Variants in DOCK4 observed in about 807,000 individuals in gnomAD.
The protein encoded by DOCK4 is dedicator of cytokinesis 4, also known as dedicator of cytokinesis protein 4.
In DOCK4, 97 loss-of-function variants were observed where a neutral mutation model predicts 268.1. The observed-to-expected ratio is 0.36, with a 90% CI of 0.31 to 0.43. The LOEUF (loss-of-function observed/expected upper bound fraction) is 0.43. DOCK4 is among the 20% of genes least tolerant of loss of function. The pLI is 1.00. For missense variants in DOCK4, 2,145 were observed against 2,455.7 expected (o/e 0.87, Z 2.67); for synonymous variants, 954 against 887.2 (o/e 1.08, Z -1.34).
intron 1 of DOCK4, among the ~76,000 whole-genome samples, chr7:112,013,087 C>T (rs946606015): frequency 4.6e-5 from 7 of 152,216 alleles, no homozygotes; most frequent in African/African-American, 1.7e-4. Context: ...GCAGCCTCTT[C>T]TATAACGTTC....
chr7:112,034,845 T>C (rs944017926), intron 1 of DOCK4, among the ~76,000 whole-genome samples: 3 of 152,062 alleles, frequency 2.0e-5, no homozygotes, highest in Non-Finnish European at 4.4e-5. Context: ...GAGGTTGCAG[T>C]GGGCCAAGAT....
intron 1 of DOCK4, among the ~76,000 whole-genome samples, chr7:112,040,297 C>A (rs1007055424): frequency 6.6e-6 from 1 of 152,178 alleles, no homozygotes; most frequent in Non-Finnish European, 1.5e-5. Context: ...AATTCTACCA[C>A]ATGTAGACAC....
chr7:111,864,952 C>T (rs1000361156), intron 22 of DOCK4, among the ~76,000 whole-genome samples: 4 of 152,100 alleles, frequency 2.6e-5, no homozygotes, highest in African/African-American at 9.7e-5. Context: ...GTGTAAGATA[C>T]ACATATAATA....
At chr7:112,158,070 A>T (rs530912066) in intron 1 of DOCK4, among the ~76,000 whole-genome samples, 1 of 152,342 alleles carries the variant, frequency 6.6e-6, no homozygotes, top group East Asian at 1.9e-4. Flanking sequence ...AGTTATCTCC[A>T]TGGAAGCCCA....
chr7:111,935,408 T>G (rs1195366524), intron 12 of DOCK4, 132 bp downstream of exon 12: 1 of 762,932 alleles, frequency 1.3e-6, no homozygotes, highest in Non-Finnish European at 2.3e-6. Flanking sequence ...GAATGTTCAT[T>G]GAGCATTTTT....
intron 49 of DOCK4, 30 bp from the exon 50 acceptor site, chr7:111,737,019 A>T: frequency 6.3e-7 from 1 of 1,578,528 alleles, no homozygotes; most frequent in African/African-American, 1.3e-5. Flanking sequence ...GATTTTTATG[A>T]TGTGATATAC....
chr7:111,841,783 C>A (rs1324766328), intron 25 of DOCK4, among the ~76,000 whole-genome samples: 1 of 152,114 alleles, frequency 6.6e-6, no homozygotes, highest in Non-Finnish European at 1.5e-5. Context: ...CCCACCTCCA[C>A]CCACAGACCT....
chr7:111,944,043 G>A (rs1376772544), intron 10 of DOCK4, among the ~76,000 whole-genome samples: 2 of 152,162 alleles, frequency 1.3e-5, no homozygotes, highest in Non-Finnish European at 2.9e-5. Flanking sequence ...GAAAAACTGT[G>A]TAGGTTACAC....
chr7:112,053,043 AT>A (rs1805503331), intron 1 of DOCK4, among the ~76,000 whole-genome samples: 1 of 152,204 alleles, frequency 6.6e-6, no homozygotes, highest in African/African-American at 2.4e-5. Context: ...GTGTTTATTC[AT>A]TCCAATCATT....
At chr7:112,157,328 C>T (rs551437485) in intron 1 of DOCK4, among the ~76,000 whole-genome samples, 2 of 152,174 alleles carry the variant, frequency 1.3e-5, no homozygotes, top group Admixed American at 6.6e-5. Flanking sequence ...CCATGGGAGA[C>T]GTCATTTTCC....
chr7:112,192,105 T>C (rs749469416), intron 1 of DOCK4, among the ~76,000 whole-genome samples: 3 of 150,898 alleles, frequency 2.0e-5, no homozygotes, highest in African/African-American at 4.9e-5. Flanking sequence ...TATATAATTA[T>C]ATACTATAGT....
rs566419729 is a variant in DOCK4 at position 111,767,090 on chromosome 7, C to T, written c.3857G>A (p.Arg1286Gln). Residue 1286 changes from arginine to glutamine, a missense_variant, in exon 38 of 53, where the codon CGG (arginine) becomes CAG (glutamine). Coordinates refer to ENST00000428084, the MANE Select transcript of DOCK4 (RefSeq NM_001363540.2). ...ACTCTCATACTGCTCTGCAATCTTC[C>T]GGCACAAGATAATGCCATTCTCCCA... ...KCWENGIILC[R>Q]KIAEQYESYY... 65 of 1,613,662 alleles carry T rather than the reference C, an allele frequency of 4.0e-5. 2 individuals carry two copies. Among genetic ancestry groups the T allele is most frequent in the South Asian group, 3.3e-4 (30 of 91,080 alleles).
intron 1 of DOCK4, among the ~76,000 whole-genome samples, chr7:112,034,896 T>C (rs1199836098): frequency 6.6e-6 from 1 of 152,032 alleles, no homozygotes; most frequent in Non-Finnish European, 1.5e-5. Context: ...AAAAAATGAC[T>C]CAGTCTCAAA....
At chr7:112,074,471 T>C (rs1036016027) in intron 1 of DOCK4, among the ~76,000 whole-genome samples, 1 of 152,212 alleles carries the variant, frequency 6.6e-6, no homozygotes, top group African/African-American at 2.4e-5. Context: ...TCCTCTGTGA[T>C]GCTGGGCTAA....
chr7:112,062,782 C>T (rs1235279175), intron 1 of DOCK4, among the ~76,000 whole-genome samples: 3 of 152,162 alleles, frequency 2.0e-5, no homozygotes, highest in Non-Finnish European at 4.4e-5. Context: ...CGGGTTCAAG[C>T]GATTCTCCTG....
At chr7:112,159,599 AG>A (rs1391360647) in intron 1 of DOCK4, among the ~76,000 whole-genome samples, 2 of 152,092 alleles carry the variant, frequency 1.3e-5, no homozygotes, top group African/African-American at 4.8e-5. Context: ...CTCCCTGACA[AG>A]GATGTGTCAC....
chr7:112,141,529 G>A (rs568313500), intron 1 of DOCK4, among the ~76,000 whole-genome samples: 1 of 152,272 alleles, frequency 6.6e-6, no homozygotes, highest in Admixed American at 6.5e-5. Context: ...TTTCCCTGAA[G>A]AAGAGATTCT....
intron 1 of DOCK4, among the ~76,000 whole-genome samples, chr7:112,055,759 T>C (rs1805757362): frequency 6.6e-6 from 1 of 151,730 alleles, no homozygotes; most frequent in African/African-American, 2.4e-5. Flanking sequence ...AATACACAAA[T>C]TAGCCAGGTG....
intron 21 of DOCK4, among the ~76,000 whole-genome samples, chr7:111,869,269 T>G (rs908241887): frequency 5.3e-5 from 8 of 152,294 alleles, no homozygotes; most frequent in Non-Finnish European, 1.2e-4. Context: ...TAAGCTTAAC[T>G]GCCCCATATA....
Sources: allele counts gnomAD v4.1 joint callset (sites outside exome capture counted in the v4.1 genomes callset), GRCh38; gene constraint gnomAD v4.1.1; transcripts MANE v1.5; gene names NCBI Gene and HGNC (gene_info 2026-07-23, HGNC 2026-07-21).